Variants in CX3CL1 observed in about 807,000 individuals in gnomAD.
The protein encoded by CX3CL1 is C-X3-C motif chemokine ligand 1, also known as fractalkine.
CX3CL1 carries 1 observed loss-of-function variant against 14.1 expected under a neutral mutation model. The ratio of observed to expected loss-of-function variants is 0.07; its 90% CI spans 0.03 to 0.34. CX3CL1 has a LOEUF of 0.34. Ranked by LOEUF, CX3CL1 falls within the 10% of genes least tolerant of loss-of-function variation. The pLI, the probability that CX3CL1 is intolerant of heterozygous loss-of-function variation, is 0.99. For missense variants in CX3CL1, 505 were observed against 536.4 expected, an observed-to-expected ratio of 0.94 and a Z score of 0.58; for synonymous variants, 255 against 229.6, an observed-to-expected ratio of 1.11 and a Z score of -1.00.
chr16:57,382,769 G>T lies in CX3CL1; in HGVS notation c.931G>T (p.Ala311Ser). The T allele has an allele frequency of 1.9e-6, 3 of 1,610,632 alleles. No homozygotes were observed. Among genetic ancestry groups the T allele is most frequent in the Non-Finnish European group, 2.5e-6 (3 of 1,179,212 alleles). Reference sequence around the variant, plus strand: ...GGCTTCAGGCAGCTGGACCCCTAAGGCTGAGGAACCCATCCATGCCACCAT... The same window carrying T: ...GGCTTCAGGCAGCTGGACCCCTAAGTCTGAGGAACCCATCCATGCCACCAT... Reference protein sequence around the residue: ...PVASGSWTPKAEEPIHATMDP... With the variant: ...PVASGSWTPKSEEPIHATMDP... Residue 311 changes from alanine to serine, a missense_variant, in exon 3 of 3, where the codon GCT (alanine) becomes TCT (serine). Coordinates refer to ENST00000006053, the MANE Select transcript of CX3CL1 (RefSeq NM_002996.6). This position sits in a 1 kb window ranked among gnomAD's most constrained non-coding sequence, Gnocchi z 6.9.
rs1324504722 is a variant in CX3CL1, at chr16:57,372,865, G to A, written c.70+227G>A. Among the ~76,000 whole-genome samples, 4 of 152,230 alleles carry A rather than the reference G, an allele frequency of 2.6e-5. No homozygotes were observed. In the East Asian group the frequency reaches 7.7e-4, roughly 29 times the overall value. On this transcript the variant is annotated intron_variant, in intron 1 of 2. Coordinates refer to ENST00000006053, the MANE Select transcript of CX3CL1 (RefSeq NM_002996.6). The stretch of plus-strand genomic sequence containing the variant: ...GCGACCGCCCTGCCTGGCCCAGCGA[G>A]CAAAGTGGCTGTGCCTGGAAGCACA...
intron 1 of CX3CL1, among the ~76,000 whole-genome samples, chr16:57,373,989 C>T (rs143800348): frequency 3.9e-5 from 6 of 152,218 alleles, no homozygotes; most frequent in African/African-American, 1.4e-4. Flanking sequence ...AAAGGGGACA[C>T]TGGGGGACCC....
At position 57,382,417 on chromosome 16, in the gene CX3CL1, T is replaced by C. The variant is rs762624738; in HGVS notation, c.579T>C (p.Thr193=). 2 of 1,612,666 alleles carry C rather than the reference T, an allele frequency of 1.2e-6. No homozygotes were observed. Among genetic ancestry groups the C allele is most frequent in the Non-Finnish European group, 1.7e-6 (2 of 1,179,954 alleles). ...TTTTCCGAGTGCCTCCCGTCTCCACTGCCGCCACGTGGCAGAGTTCTGCTC... is the reference window on the plus strand; with the variant it reads ...TTTTCCGAGTGCCTCCCGTCTCCACCGCCGCCACGTGGCAGAGTTCTGCTC... ...TELFRVPPVS[T]AATWQSSAPH... is the part of the protein sequence containing the mutation. The change falls in exon 3 of 3, where the codon ACT becomes ACC. Residue 193 remains threonine (T), a synonymous_variant. Transcript: ENST00000006053. The surrounding 1 kb of genome is among the most constrained non-coding windows in gnomAD (Gnocchi z 6.9).
rs1272544598 is a variant in CX3CL1 at position 57,382,218 on chromosome 16, T to G, written c.380T>G (p.Leu127Arg). 6.2e-7 allele frequency: 1 copy of G among 1,612,600 alleles called. No homozygotes were observed. Among genetic ancestry groups the G allele is most frequent in the Non-Finnish European group, 8.5e-7 (1 of 1,179,400 alleles). Reference sequence around the variant, plus strand: ...GGGGGAATGGACGAGTCTGTGGTCCTGGAGCCCGAAGCCACAGGCGAAAGC... The same window carrying G: ...GGGGGAATGGACGAGTCTGTGGTCCGGGAGCCCGAAGCCACAGGCGAAAGC... ...AAGGMDESVV[L>R]EPEATGESSS... The change falls in exon 3 of 3, where the codon CTG becomes CGG. Residue 127 changes from leucine to arginine, a missense_variant. Physicochemically the swap from Leu to Arg is moderately radical, Grantham distance 102. Transcript: ENST00000006053. The surrounding 1 kb of genome is among the most constrained non-coding windows in gnomAD (Gnocchi z 6.9).
intron 1 of CX3CL1, 79 bp downstream of exon 1, chr16:57,372,717 G>A: frequency 6.7e-7 from 1 of 1,487,130 alleles, no homozygotes; most frequent in South Asian, 1.2e-5. Flanking sequence ...TGACATCAGG[G>A]GCCCCAGACC....
intron 1 of CX3CL1, among the ~76,000 whole-genome samples, chr16:57,373,072 T>C (rs1341769618): frequency 2.0e-5 from 3 of 152,062 alleles, no homozygotes; most frequent in Non-Finnish European, 2.9e-5. Flanking sequence ...CAGGCCACAG[T>C]TGGGACTTTC....
intron 1 of CX3CL1, chr16:57,379,392 G>A (rs542764656): frequency 5.5e-4 from 273 of 496,718 alleles, no homozygotes; most frequent in Non-Finnish European, 8.7e-4. Flanking sequence ...AAGAATTCAC[G>A]TTTCTTATTC....
In CX3CL1 at chr16:57,383,087, A is replaced by C; in HGVS notation, c.*55A>C. 1 of 1,350,024 alleles carries C rather than the reference A, an allele frequency of 7.4e-7. No individual in the cohort carries two copies. Among genetic ancestry groups the C allele is most frequent in the Non-Finnish European group, 9.6e-7 (1 of 1,039,530 alleles). 83.6% of individuals were successfully genotyped at this position (1,350,024 alleles called of 1,614,324 possible). A position where few individuals can be genotyped will look rare whatever the true frequency, so the allele number is the denominator to read the frequency against. On this transcript the variant is annotated 3_prime_UTR_variant, in exon 3 of 3. Coordinates refer to ENST00000006053, the MANE Select transcript of CX3CL1 (RefSeq NM_002996.6). ...TTCAGACAGCTGCCTGGGATCCCTC[A>C]TCCTCATACCCACCCCCACCCAAGG...
At chr16:57,374,994 G>T (rs902827448) in intron 1 of CX3CL1, among the ~76,000 whole-genome samples, 1 of 152,082 alleles carries the variant, frequency 6.6e-6, no homozygotes, top group Non-Finnish European at 1.5e-5. Flanking sequence ...TATAAAATTA[G>T]CTGGGTGTGG....
At chr16:57,379,526 A>T in intron 1 of CX3CL1, 108 bp from the exon 2 acceptor site, 1 of 1,421,764 alleles carries the variant, frequency 7.0e-7, no homozygotes, top group Non-Finnish European at 9.7e-7. Context: ...CAGGGTGTAC[A>T]GGGGATCAGT....
chr16:57,380,133 G>T (rs911065022), intron 2 of CX3CL1, among the ~76,000 whole-genome samples: 5 of 152,176 alleles, frequency 3.3e-5, no homozygotes, highest in Admixed American at 1.3e-4. Context: ...TAAAATGCAG[G>T]TTCCAGACTC....
chr16:57,379,334 A>C, intron 1 of CX3CL1: 1 of 424,346 alleles, frequency 2.4e-6, no homozygotes, highest in East Asian at 3.6e-5. Context: ...CTCAAAAAAA[A>C]AAAAATTAAA....
chr16:57,379,696 G>A lies in CX3CL1; in HGVS notation c.133G>A (p.Val45Ile). The stretch of plus-strand genomic sequence containing the variant: ...CAGCAAGATGACATCAAAGATACCT[G>A]TAGCTTTGCTCATCCACTATCAACA... ...TCSKMTSKIP[V>I]ALLIHYQQNQ... Residue 45 changes from valine (V) to isoleucine (I), a missense_variant, in exon 2 of 3, where the codon GTA (valine) becomes ATA (isoleucine). By Grantham distance (29) the Val-to-Ile change is conservative. Transcript: ENST00000006053. 1 of 1,614,224 alleles carries A rather than the reference G, an allele frequency of 6.2e-7. No individual in the cohort carries two copies. The highest frequency in any genetic ancestry group is 8.5e-7 in the Non-Finnish European group (1 of 1,180,024).
intron 1 of CX3CL1, chr16:57,379,326 C>CA (rs112711341): frequency 0.044 from 14,766 of 334,730 alleles, 46 homozygotes; most frequent in South Asian, 0.056. Flanking sequence ...GACTCCAACT[C>CA]AAAAAAAAAA....
rs773596059 is a variant in CX3CL1 at position 57,383,027 on chromosome 16, G to A, written c.1189G>A (p.Val397Met). The change falls in exon 3 of 3, where the codon GTG becomes ATG. Residue 397 changes from valine (V) to methionine (M), a missense_variant. By Grantham distance (21) the Val-to-Met change is conservative. Coordinates refer to ENST00000006053, the MANE Select transcript of CX3CL1 (RefSeq NM_002996.6). ...CGSNSYVLVPV is the reference protein window; with the variant it reads ...CGSNSYVLVPM ...TAGTAATTCATATGTCCTGGTGCCCGTGTGAACTCCTCTGGCCTGTGTCTA... is the reference window on the plus strand; with the variant it reads ...TAGTAATTCATATGTCCTGGTGCCCATGTGAACTCCTCTGGCCTGTGTCTA... 1.2e-5 allele frequency: 18 copies of A among 1,484,754 alleles called. No individual in the cohort carries two copies. Among genetic ancestry groups the A allele is most frequent in the Non-Finnish European group, 1.5e-5 (17 of 1,113,774 alleles). 92.0% of individuals were successfully genotyped at this position (1,484,754 alleles called of 1,614,324 possible).
At chr16:57,380,816 AG>A (rs1902309351) in intron 2 of CX3CL1, among the ~76,000 whole-genome samples, 2 of 152,166 alleles carry the variant, frequency 1.3e-5, no homozygotes, top group Non-Finnish European at 2.9e-5. Context: ...TGGGACCTAA[AG>A]CAGCCTCAGC....
At position 57,379,573 on chromosome 16, in the gene CX3CL1, G is replaced by C. The variant is rs544663399; in HGVS notation, c.71-61G>C. On this transcript the variant is annotated intron_variant, in intron 1 of 2. Transcript: ENST00000006053. ...TGGTGTGGCCGGGACAATCTGGCAC[G>C]GGGTTGGGAAGCCAGATGCCCACAG... is the stretch of plus-strand genomic sequence containing the variant. The C allele has an allele frequency of 1.9e-6, 3 of 1,608,748 alleles. No homozygotes were observed. The African/African-American group carries it at 4.0e-5, about 21-fold the overall frequency.
rs1902361625 is a variant in CX3CL1, at chr16:57,383,242, C to T, written c.*210C>T. The T allele has an allele frequency of 1.7e-5, 7 of 417,088 alleles. No homozygotes were observed. The highest frequency in any genetic ancestry group is 1.2e-3 in the Middle Eastern group (2 of 1,626). The allele number at this position is 417,088 out of a possible 1,614,324, so 25.8% of individuals were successfully genotyped here. On this transcript the variant is annotated 3_prime_UTR_variant, in exon 3 of 3. Transcript: ENST00000006053. ...CACCTGCCAGGGACAGAGGGGGTGGCCTCCCAACTCACCCCAGCCCCAAAA... is the reference window on the plus strand; with the variant it reads ...CACCTGCCAGGGACAGAGGGGGTGGTCTCCCAACTCACCCCAGCCCCAAAA...
chr16:57,372,514 G>T lies in CX3CL1; in HGVS notation c.-55G>T. ...CAAGGGGACAGCACTGAGCTCTGCC[G>T]CCTGGCTCTAGCCGCCTGCCTGGCC... On this transcript the variant is annotated 5_prime_UTR_variant, in exon 1 of 3. Transcript: ENST00000006053. 5.1e-6 allele frequency: 8 copies of T among 1,554,378 alleles called. No homozygotes were observed. The highest frequency in any genetic ancestry group is 6.2e-6 in the Non-Finnish European group (7 of 1,135,532).
Sources: gnomAD v4.1 joint callset for allele counts (sites outside exome capture counted in the v4.1 genomes callset) on GRCh38, gnomAD v4.1.1 for gene constraint, Gnocchi (gnomAD v3.1) non-coding constraint, MANE v1.5 for transcripts, NCBI Gene and HGNC (gene_info 2026-07-23, HGNC 2026-07-21) for gene names.